The following NAA16 variants were observed in gnomAD, a reference collection of about 807,000 sequenced individuals.
The protein encoded by NAA16 is NARG1-like protein.
In NAA16, 97 loss-of-function variants were observed where a neutral mutation model predicts 110.3. The ratio of observed to expected loss-of-function variants is 0.88; its 90% CI spans 0.75 to 1.04. NAA16 has a LOEUF of 1.04. NAA16 is among the 50% of genes least tolerant of loss of function. The pLI is 0.00. For synonymous variants in NAA16, 372 were observed against 330.6 expected (o/e 1.13, Z -1.36); for missense variants, 1,017 against 1,005.1 (o/e 1.01, Z -0.16).
intron 10 of NAA16, among the ~76,000 whole-genome samples, chr13:41,355,583 C>A (rs2042961460): frequency 6.6e-6 from 1 of 152,190 alleles, no homozygotes. Context: ...GCGCCTGCCA[C>A]CACTCCTGCC....
chr13:41,350,056 G>C (rs2042787824), intron 9 of NAA16, among the ~76,000 whole-genome samples: 1 of 151,942 alleles, frequency 6.6e-6, no homozygotes, highest in Non-Finnish European at 1.5e-5. Flanking sequence ...GTCCAAGGCA[G>C]GAGGATTGCT....
chr13:41,372,631 AAG>A, intron 16 of NAA16, 99 bp from the exon 17 acceptor site: 1 of 1,340,432 alleles, frequency 7.5e-7, no homozygotes, highest in South Asian at 2.2e-5. Flanking sequence ...TGTTATAAAA[AAG>A]GTAGCATTTT....
chr13:41,348,426 G>C (rs1229981163), intron 9 of NAA16, among the ~76,000 whole-genome samples: 1 of 152,098 alleles, frequency 6.6e-6, no homozygotes, highest in Admixed American at 6.5e-5. Context: ...ACCTTTCAAA[G>C]TGCTGGGATT....
chr13:41,342,949 G>GTTTA (rs1402609521), intron 9 of NAA16, among the ~76,000 whole-genome samples: 11 of 152,092 alleles, frequency 7.2e-5, no homozygotes, highest in Non-Finnish European at 1.3e-4. Flanking sequence ...AAGTTTAGAA[G>GTTTA]TAATTTTTCA....
chr13:41,321,781 A>G (rs1383248963), intron 4 of NAA16, among the ~76,000 whole-genome samples: 1 of 139,422 alleles, frequency 7.2e-6, no homozygotes, highest in Non-Finnish European at 1.6e-5. Flanking sequence ...TTACTTACTT[A>G]TGAGAAGGAG....
intron 5 of NAA16, among the ~76,000 whole-genome samples, chr13:41,323,412 A>G (rs7992696): frequency 0.95 from 142,437 of 150,382 alleles, 67,525 homozygotes; most frequent in South Asian, 0.99. Flanking sequence ...GTGCAGTGGC[A>G]CGATCTCGGC....
chr13:41,337,923 A>G (rs2042425512), intron 9 of NAA16, among the ~76,000 whole-genome samples: 2 of 107,200 alleles, frequency 1.9e-5, no homozygotes, highest in Non-Finnish European at 4.7e-5. Flanking sequence ...GATGATATCT[A>G]GTACCCAGTT....
chr13:41,369,183 A>G lies in NAA16; in HGVS notation c.1847A>G (p.Glu616Gly). 1 of 1,598,906 alleles carries G rather than the reference A, an allele frequency of 6.3e-7. No homozygotes were observed. ...AKLEEERKHA[E>G]RERQQKNQKK... is the part of the protein sequence containing the mutation. ...CTAGAAGAAGAAAGAAAGCATGCAG[A>G]AAGAGAACGTCAACAGAAAAATCAA... Residue 616 changes from glutamate to glycine, a missense_variant, in exon 15 of 20, where the codon GAA (glutamate) becomes GGA (glycine). Physicochemically the swap from Glu to Gly is moderately conservative, Grantham distance 98. Transcript: ENST00000379406.
At chr13:41,340,126 A>C (rs1566267957) in intron 9 of NAA16, among the ~76,000 whole-genome samples, 1 of 152,042 alleles carries the variant, frequency 6.6e-6, no homozygotes, top group Non-Finnish European at 1.5e-5. Context: ...TTTGTTTCTT[A>C]TTATCCATTA....
intron 10 of NAA16, among the ~76,000 whole-genome samples, chr13:41,357,221 T>A (rs1294365249): frequency 1.3e-5 from 2 of 152,226 alleles, no homozygotes; most frequent in African/African-American, 2.4e-5. Context: ...CTTGTGAAGC[T>A]GAGGCATGAG....
chr13:41,353,373 T>C (rs1566283544), intron 9 of NAA16, among the ~76,000 whole-genome samples: 2 of 152,154 alleles, frequency 1.3e-5, no homozygotes, highest in Non-Finnish European at 2.9e-5. Flanking sequence ...TCTGTTAACT[T>C]TAATTTTGCT....
chr13:41,333,045 T>C (rs933947785), intron 8 of NAA16, among the ~76,000 whole-genome samples: 3 of 152,136 alleles, frequency 2.0e-5, no homozygotes, highest in Non-Finnish European at 2.9e-5. Context: ...AGTGTGCTTT[T>C]GCTGTTCTTC....
chr13:41,311,634 C>T (rs766470338), intron 1 of NAA16, 52 bp downstream of exon 1: 4 of 1,549,996 alleles, frequency 2.6e-6, no homozygotes, highest in Non-Finnish European at 3.5e-6. Flanking sequence ...GTCCTCGGGC[C>T]TTAAGGGCAA....
intron 18 of NAA16, among the ~76,000 whole-genome samples, chr13:41,374,135 A>C (rs912375374): frequency 6.9e-6 from 1 of 145,448 alleles, no homozygotes; most frequent in South Asian, 2.2e-4. Context: ...GTTATAAATT[A>C]TTTTTCTTTT....
At chr13:41,331,244 A>G (rs372698820) in intron 7 of NAA16, 30 bp from the exon 8 acceptor site, 21 of 1,369,678 alleles carry the variant, frequency 1.5e-5, no homozygotes, top group African/African-American at 4.3e-5. Context: ...TTTTGATGCT[A>G]TGAATCTCAC....
At chr13:41,352,475 C>T (rs143154631) in intron 9 of NAA16, among the ~76,000 whole-genome samples, 2,159 of 151,830 alleles carry the variant, frequency 0.014, 49 homozygotes, top group African/African-American at 0.049. Context: ...GCCAACATGA[C>T]GAAACCCCCT....
intron 1 of NAA16, 75 bp downstream of exon 1, chr13:41,311,657 C>A (rs1055556061): frequency 3.6e-6 from 5 of 1,402,404 alleles, no homozygotes; most frequent in Non-Finnish European, 2.9e-6. Flanking sequence ...GGTCTGGCGG[C>A]GGCCGGCGCG....
At chr13:41,321,954 C>T (rs538534443) in intron 4 of NAA16, among the ~76,000 whole-genome samples, 13 of 152,254 alleles carry the variant, frequency 8.5e-5, no homozygotes, top group East Asian at 7.7e-4. Context: ...CTCTTCAAAG[C>T]GTGTATTTTT....
chr13:41,311,631 G>A, intron 1 of NAA16, 49 bp downstream of exon 1: 5 of 1,553,020 alleles, frequency 3.2e-6, no homozygotes, highest in Non-Finnish European at 4.4e-6. Flanking sequence ...CGGGTCCTCG[G>A]GCCTTAAGGG....
Sources: allele counts gnomAD v4.1 joint callset (sites outside exome capture counted in the v4.1 genomes callset), GRCh38; gene constraint gnomAD v4.1.1; transcripts MANE v1.5; gene names NCBI Gene and HGNC (gene_info 2026-07-23, HGNC 2026-07-21).